The following SPTBN1 variants were observed in gnomAD, a reference collection of about 807,000 sequenced individuals.
SPTBN1 encodes spectrin beta chain, non-erythrocytic 1.
In SPTBN1, 32 loss-of-function variants were observed where a neutral mutation model predicts 266.4. The observed-to-expected ratio is 0.12, with a 90% CI of 0.09 to 0.16. SPTBN1 has a LOEUF of 0.16. SPTBN1 is among the 10% of genes least tolerant of loss of function. The pLI is 1.00. For missense variants in SPTBN1, 2,296 were observed against 3,067.1 expected, an observed-to-expected ratio of 0.75 and a Z score of 5.94; for synonymous variants, 1,336 against 1,162.2, an observed-to-expected ratio of 1.15 and a Z score of -3.04.
intron 16 of SPTBN1, 79 bp downstream of exon 16, chr2:54,631,690 C>G: frequency 1.3e-6 from 2 of 1,524,020 alleles, no homozygotes; most frequent in Non-Finnish European, 1.8e-6. Flanking sequence ...GCTGGGGCAG[C>G]TGGTTTAAAC....
At chr2:54,510,109 C>T (rs926997489) in intron 1 of SPTBN1, among the ~76,000 whole-genome samples, 15 of 152,132 alleles carry the variant, frequency 9.9e-5, no homozygotes, top group Non-Finnish European at 2.2e-4. Context: ...CAGGCACCCA[C>T]CTCTGCGCCC....
rs1680137846 is a variant in SPTBN1 at position 54,649,591 on chromosome 2, TTTCC to T, written c.5203-21_5203-18del. The T allele has an allele frequency of 6.3e-7, 1 of 1,599,810 alleles. No homozygotes were observed. The highest frequency in any genetic ancestry group is 1.3e-5 in the African/African-American group (1 of 74,672). Reference sequence around the variant, plus strand: ...ACAGAGTTCACAGTGGGCTCTCTGATTTCCTTACCCATCCCCGTTTCAGATGTTA... The same window carrying T: ...ACAGAGTTCACAGTGGGCTCTCTGATTTACCCATCCCCGTTTCAGATGTTA... On this transcript the variant is annotated intron_variant, in intron 25 of 35. Coordinates refer to ENST00000356805, the MANE Select transcript of SPTBN1 (RefSeq NM_003128.3). This position sits in a 1 kb window ranked among gnomAD's most constrained non-coding sequence, Gnocchi z 6.7.
intron 2 of SPTBN1, among the ~76,000 whole-genome samples, chr2:54,537,101 A>G (rs897656042): frequency 6.6e-6 from 1 of 152,232 alleles, no homozygotes; most frequent in African/African-American, 2.4e-5. Flanking sequence ...TGAAAAATCT[A>G]TGTGACAGTG....
intron 32 of SPTBN1, chr2:54,660,304 T>G: frequency 7.6e-7 from 1 of 1,308,798 alleles, no homozygotes; most frequent in South Asian, 2.2e-5. Context: ...ATTGTGAGCT[T>G]TTTACTTTAT....
intron 1 of SPTBN1, among the ~76,000 whole-genome samples, chr2:54,522,071 T>A (rs1271631939): frequency 6.6e-6 from 1 of 151,694 alleles, no homozygotes; most frequent in African/African-American, 2.4e-5. Context: ...CTATTTTTTT[T>A]TTTTATTTTT....
intron 2 of SPTBN1, among the ~76,000 whole-genome samples, chr2:54,578,084 A>G (rs912848007): frequency 6.6e-6 from 1 of 151,936 alleles, no homozygotes; most frequent in Non-Finnish European, 1.5e-5. Context: ...GACAGTACAG[A>G]CTCTCTTGAT....
intron 1 of SPTBN1, among the ~76,000 whole-genome samples, chr2:54,468,243 G>A (rs1378056177): frequency 6.6e-6 from 1 of 152,018 alleles, no homozygotes; most frequent in Non-Finnish European, 1.5e-5. Flanking sequence ...GGAGGTGGAG[G>A]TTGCAGTGAG....
chr2:54,558,248 A>G lies in SPTBN1; in HGVS notation c.148+31682A>G. 2.0e-6 allele frequency: 2 copies of G among 985,188 alleles called. No individual in the cohort carries two copies. The highest frequency in any genetic ancestry group is 2.4e-6 in the Non-Finnish European group (2 of 829,898). 61.0% of individuals were successfully genotyped at this position (985,188 alleles called of 1,614,324 possible). A position where few individuals can be genotyped will look rare whatever the true frequency, so the allele number is the denominator to read the frequency against. ...ACCGGTAGGGGGTCGCGGGCCGGCT[A>G]GGCTCCCCCGCGCCCCTCCTCGTGG... On this transcript the variant is annotated intron_variant, in intron 2 of 35. Coordinates refer to ENST00000356805, the MANE Select transcript of SPTBN1 (RefSeq NM_003128.3). This position sits in a 1 kb window ranked among gnomAD's most constrained non-coding sequence, Gnocchi z 4.6.
At chr2:54,604,994 C>T (rs1020406946) in intron 3 of SPTBN1, among the ~76,000 whole-genome samples, 1 of 152,138 alleles carries the variant, frequency 6.6e-6, no homozygotes, top group African/African-American at 2.4e-5. Context: ...CAGAAGTGCA[C>T]ATGTTGCTGT....
chr2:54,488,175 G>A (rs1668506960), intron 1 of SPTBN1, among the ~76,000 whole-genome samples: 1 of 152,028 alleles, frequency 6.6e-6, no homozygotes, highest in Non-Finnish European at 1.5e-5. Context: ...AGGTCCAGGA[G>A]TCTGTATTTT....
In SPTBN1 at chr2:54,558,378, CGGGCAGCTGGGAGGAGG is replaced by C; in HGVS notation, c.148+31813_148+31829del. 1 of 1,002,168 alleles carries C rather than the reference CGGGCAGCTGGGAGGAGG, an allele frequency of 1.0e-6. No individual in the cohort carries two copies. Among genetic ancestry groups the C allele is most frequent in the Non-Finnish European group, 1.2e-6 (1 of 841,100 alleles). The allele number at this position is 1,002,168 out of a possible 1,614,324, so 62.1% of individuals were successfully genotyped here. On this transcript the variant is annotated intron_variant, in intron 2 of 35. Transcript: ENST00000356805. This position sits in a 1 kb window ranked among gnomAD's most constrained non-coding sequence, Gnocchi z 4.6. ...TAAAATTACAAACCGGCGGCCGCCG[CGGGCAGCTGGGAGGAGG>C]TGTGCGCGCTGCGCCCGCGAGCTCC... is the stretch of plus-strand genomic sequence containing the variant.
At chr2:54,460,838 T>G (rs1693329238) in intron 1 of SPTBN1, among the ~76,000 whole-genome samples, 1 of 152,080 alleles carries the variant, frequency 6.6e-6, no homozygotes, top group Non-Finnish European at 1.5e-5. Flanking sequence ...CCATCTCTAC[T>G]AAAAATACAA....
chr2:54,553,106 T>A (rs1380145855), intron 2 of SPTBN1, among the ~76,000 whole-genome samples: 2 of 152,250 alleles, frequency 1.3e-5, no homozygotes, highest in Non-Finnish European at 2.9e-5. Flanking sequence ...CTGTCTTTTC[T>A]TTTTTGCTGG....
At chr2:54,642,859 G>T in intron 18 of SPTBN1, 124 bp from the exon 19 acceptor site, 1 of 1,204,926 alleles carries the variant, frequency 8.3e-7, no homozygotes, top group Non-Finnish European at 1.2e-6. Context: ...TTAAATATTT[G>T]GTTGTCTGTC....
chr2:54,492,341 G>GTTT (rs780631106), intron 1 of SPTBN1, among the ~76,000 whole-genome samples: 1,251 of 87,816 alleles, frequency 0.014, 63 homozygotes, highest in African/African-American at 0.034. Context: ...GTCTGCAGTT[G>GTTT]TTTTTTTGTT....
Position 54,650,117 on chromosome 2 carries a change from A to G in SPTBN1, c.5577+128A>G, listed in dbSNP as rs1322221649. 3 of 1,227,918 alleles carry G rather than the reference A, an allele frequency of 2.4e-6. No individual in the cohort carries two copies. In the African/African-American group the frequency reaches 4.5e-5, roughly 19 times the overall value. The allele number at this position is 1,227,918 out of a possible 1,614,324, so 76.1% of individuals were successfully genotyped here. On this transcript the variant is annotated intron_variant, in intron 26 of 35. Transcript: ENST00000356805. ...TTGCCCCAATTAAGCACATACATGT[A>G]CCCACTTTGTAATAGTGCTCCATTT...
At chr2:54,551,543 C>A (rs1672565200) in intron 2 of SPTBN1, among the ~76,000 whole-genome samples, 1 of 152,236 alleles carries the variant, frequency 6.6e-6, no homozygotes, top group African/African-American at 2.4e-5. Flanking sequence ...TTCCCCAGGA[C>A]CTTGGGTGCT....
intron 7 of SPTBN1, among the ~76,000 whole-genome samples, 160 bp from the exon 8 acceptor site, chr2:54,621,239 AT>A (rs1677974145): frequency 6.6e-6 from 1 of 152,198 alleles, no homozygotes; most frequent in African/African-American, 2.4e-5. Flanking sequence ...TTTAACCCTC[AT>A]TATCCTTGTA....
In SPTBN1 at chr2:54,622,458, C is replaced by T; in HGVS notation, c.1035C>T (p.Asn345=). 6.2e-7 allele frequency: 1 copy of T among 1,614,206 alleles called. No individual in the cohort carries two copies. Among genetic ancestry groups the T allele is most frequent in the Non-Finnish European group, 8.5e-7 (1 of 1,180,030 alleles). Residue 345 remains asparagine, a synonymous_variant, in exon 9 of 36, where the codon AAC becomes AAT. Transcript: ENST00000356805. ...VGVQQQLQAF[N]TYRTVEKPPK... ...TTCAACAGCAGCTTCAGGCATTCAA[C>T]ACTTACCGCACTGTGGAGAAACCAC...
Sources: allele counts gnomAD v4.1 joint callset (sites outside exome capture counted in the v4.1 genomes callset), GRCh38; gene constraint gnomAD v4.1.1; non-coding constraint Gnocchi (gnomAD v3.1); transcripts MANE v1.5; gene names NCBI Gene and HGNC (gene_info 2026-07-23, HGNC 2026-07-21).